FAT2: variants seen among roughly 807,000 people sequenced by gnomAD.
The protein encoded by FAT2 is FAT atypical cadherin 2.
In FAT2, 150 loss-of-function variants were observed where a neutral mutation model predicts 295.3. The observed-to-expected ratio is 0.51, with a 90% CI of 0.44 to 0.58. The LOEUF is 0.58. Ranked by LOEUF, FAT2 falls within the 20% of genes least tolerant of loss-of-function variation. FAT2 has a pLI of 0.00. For missense variants in FAT2, 4,868 were observed against 5,442.7 expected, an observed-to-expected ratio of 0.89 and a Z score of 3.32; for synonymous variants, 2,026 against 2,150.3, an observed-to-expected ratio of 0.94 and a Z score of 1.60.
At position 151,531,564 on chromosome 5, in the gene FAT2, G is replaced by A. The variant is rs1353464535; in HGVS notation, c.9811+23C>T. 2 of 1,611,398 alleles carry A rather than the reference G, an allele frequency of 1.2e-6. No homozygotes were observed. The highest frequency in any genetic ancestry group is 2.2e-5 in the East Asian group (1 of 44,878). Reference sequence around the variant, plus strand: ...AGAAACCCTGTACGCGATGCTTTGGGGCTTGGTGGATCAGGCTCTCACCTG... The same window carrying A: ...AGAAACCCTGTACGCGATGCTTTGGAGCTTGGTGGATCAGGCTCTCACCTG... On this transcript the variant is annotated intron_variant, in intron 14 of 23. Coordinates refer to ENST00000261800, the MANE Select transcript of FAT2 (RefSeq NM_001447.3). This position sits in a 1 kb window ranked among gnomAD's most constrained non-coding sequence, Gnocchi z 5.7.
intron 3 of FAT2, among the ~76,000 whole-genome samples, chr5:151,560,637 A>G (rs1220401258): frequency 6.6e-6 from 1 of 152,170 alleles, no homozygotes; most frequent in Non-Finnish European, 1.5e-5. Flanking sequence ...ATCTACACAT[A>G]GTTTACGATG....
intron 3 of FAT2, among the ~76,000 whole-genome samples, chr5:151,560,513 C>G (rs531394524): frequency 5.9e-5 from 9 of 152,166 alleles, no homozygotes; most frequent in South Asian, 2.1e-4. Flanking sequence ...GGACTGCTGC[C>G]TCTCAAAATC....
chr5:151,559,754 G>A (rs2127638611), intron 3 of FAT2, among the ~76,000 whole-genome samples: 1 of 152,022 alleles, frequency 6.6e-6, no homozygotes. Context: ...CTAAGGTCCT[G>A]TGCCTCTGGA....
At position 151,522,069 on chromosome 5, in the gene FAT2, G is replaced by A. The variant is rs3734049; in HGVS notation, c.10524C>T (p.Ile3508=). The change falls in exon 19 of 24, where the codon ATC becomes ATT. Residue 3508 remains isoleucine (I), a synonymous_variant. Coordinates refer to ENST00000261800, the MANE Select transcript of FAT2 (RefSeq NM_001447.3). ...QLQIQASDSG[I]PPLSSLTSVR... is the part of the protein sequence containing the mutation. The stretch of plus-strand genomic sequence containing the variant: ...CAGACGTCAAAGACGAGAGGGGAGG[G>A]ATGCCACTGTCTGACGCCTGTGGGC... The A allele has an allele frequency of 6.3e-7, 1 of 1,593,608 alleles. No individual in the cohort carries two copies. Among genetic ancestry groups the A allele is most frequent in the Non-Finnish European group, 8.6e-7 (1 of 1,164,362 alleles).
At chr5:151,559,518 T>A (rs1281824762) in intron 3 of FAT2, among the ~76,000 whole-genome samples, 1 of 151,758 alleles carries the variant, frequency 6.6e-6, no homozygotes, top group African/African-American at 2.4e-5. Context: ...ATCCCTTCCT[T>A]TCCTCCCTGC....
In FAT2 at chr5:151,507,316, G is replaced by A; in HGVS notation, c.12355C>T (p.Pro4119Ser). ...SSCNNLNQPE[P>S]SKASVPNELV... The stretch of plus-strand genomic sequence containing the variant: ...TCATTTGGAACAGAGGCCTTGCTGG[G>A]TTCCGGTTGGTTGAGGTTGTTGCAG... The change falls in exon 23 of 24, where the codon CCC becomes TCC. Residue 4119 changes from proline (P) to serine (S), a missense_variant. Pro to Ser is a moderately conservative substitution (Grantham distance 74, BLOSUM62 -1). Coordinates refer to ENST00000261800, the MANE Select transcript of FAT2 (RefSeq NM_001447.3). 6.2e-7 allele frequency: 1 copy of A among 1,614,184 alleles called. No homozygotes were observed. Among genetic ancestry groups the A allele is most frequent in the Non-Finnish European group, 8.5e-7 (1 of 1,180,036 alleles).
chr5:151,509,973 G>A lies in FAT2; in HGVS notation c.12059+48C>T, dbSNP rs550093347. 30 of 1,594,920 alleles carry A rather than the reference G, an allele frequency of 1.9e-5. No individual in the cohort carries two copies. The East Asian group carries it at 4.0e-4, about 21-fold the overall frequency. Reference sequence around the variant, plus strand: ...CTTTCTAGAGGTCAGAGTACAGAGCGCATTCCCTAACAAGGAGCCCATGGC... The same window carrying A: ...CTTTCTAGAGGTCAGAGTACAGAGCACATTCCCTAACAAGGAGCCCATGGC... On this transcript the variant is annotated intron_variant, in intron 22 of 23. Transcript: ENST00000261800.
At position 151,511,937 on chromosome 5, in the gene FAT2, T is replaced by G. The variant is rs1047338066; in HGVS notation, c.11905+228A>C. On this transcript the variant is annotated intron_variant, in intron 21 of 23. Coordinates refer to ENST00000261800, the MANE Select transcript of FAT2 (RefSeq NM_001447.3). ...GCCCCTGAGGTCCCCATTCATATCC[T>G]CCCTCATCCCCCCAGAAGTAGAAAG... 4 of 564,412 alleles carry G rather than the reference T, an allele frequency of 7.1e-6. No individual in the cohort carries two copies. The African/African-American group carries it at 7.5e-5, about 11-fold the overall frequency. The allele number at this position is 564,412 out of a possible 1,614,324, so 35.0% of individuals were successfully genotyped here.
intron 1 of FAT2, among the ~76,000 whole-genome samples, chr5:151,590,110 G>C (rs1327303278): frequency 2.0e-5 from 3 of 152,210 alleles, no homozygotes; most frequent in Non-Finnish European, 4.4e-5. Flanking sequence ...TGCGTGCTCA[G>C]CATAGTCCCC....
In FAT2 at chr5:151,546,177, G is replaced by T. The variant is rs1163073617; in HGVS notation, c.4950C>A (p.Val1650=). Residue 1650 remains valine (V), a synonymous_variant, in exon 10 of 24, where the codon GTC becomes GTA. Transcript: ENST00000261800. ...WHDLATVIIH[V]YPSDRSAPIF... ...TGGGGGCACTCCTATCTGAGGGATAGACATGAATGATCACTGTAGCCAGGT... is the reference window on the plus strand; with the variant it reads ...TGGGGGCACTCCTATCTGAGGGATATACATGAATGATCACTGTAGCCAGGT... 1.4e-5 allele frequency: 22 copies of T among 1,614,158 alleles called. No individual in the cohort carries two copies. The highest frequency in any genetic ancestry group is 1.9e-5 in the Non-Finnish European group (22 of 1,180,024).
chr5:151,588,396 G>T (rs1335357880), intron 1 of FAT2, among the ~76,000 whole-genome samples: 1 of 152,188 alleles, frequency 6.6e-6, no homozygotes, highest in Admixed American at 6.5e-5. Context: ...CCCCACTGCT[G>T]TGTGACCTTA....
intron 12 of FAT2, among the ~76,000 whole-genome samples, chr5:151,537,438 G>A (rs544276954): frequency 3.4e-5 from 3 of 88,064 alleles, no homozygotes; most frequent in African/African-American, 2.1e-4. Flanking sequence ...GAGAGGAAAG[G>A]AGAGGGGAGG....
At chr5:151,559,647 CTGTG>C in intron 3 of FAT2, among the ~76,000 whole-genome samples, 1 of 151,816 alleles carries the variant, frequency 6.6e-6, no homozygotes, top group East Asian at 1.9e-4. Context: ...GCCTCTCTCT[CTGTG>C]TGTGTGTGTC....
intron 1 of FAT2, among the ~76,000 whole-genome samples, chr5:151,578,020 CAAA>C (rs546727587): frequency 8.2e-5 from 8 of 97,898 alleles, no homozygotes; most frequent in Non-Finnish European, 4.4e-5. Flanking sequence ...AAGGGAAAGG[CAAA>C]AAAAAAAAAA....
At position 151,550,571 on chromosome 5, in the gene FAT2, G is replaced by T. The variant is rs1757102696; in HGVS notation, c.4578+19C>A. ...TCTACATGCAAACGTATTCTCACCAGATTTTTCCATTTACTCACCATGACT... is the reference window on the plus strand; with the variant it reads ...TCTACATGCAAACGTATTCTCACCATATTTTTCCATTTACTCACCATGACT... On this transcript the variant is annotated intron_variant, in intron 8 of 23. Transcript: ENST00000261800. 1 of 1,613,274 alleles carries T rather than the reference G, an allele frequency of 6.2e-7. No individual in the cohort carries two copies. The highest frequency in any genetic ancestry group is 1.3e-5 in the African/African-American group (1 of 74,902).
chr5:151,546,259 T>C lies in FAT2; in HGVS notation c.4868A>G (p.His1623Arg), dbSNP rs188845404. 476 of 1,614,162 alleles carry C rather than the reference T, an allele frequency of 2.9e-4. No homozygotes were observed. The highest frequency in any genetic ancestry group is 2.5e-3 in the Admixed American group (149 of 60,026). ...TLAQKLDQAN[H>R]APHTLTVKAE... ...CTTCACTGTCAGAGTATGTGGGGCA[T>C]GATTTGCCTGATCAAGCTTTTGAGC... Residue 1623 changes from histidine to arginine, a missense_variant, in exon 10 of 24, where the codon CAT becomes CGT. Coordinates refer to ENST00000261800, the MANE Select transcript of FAT2 (RefSeq NM_001447.3).
Position 151,510,103 on chromosome 5 carries a change from C to CAA in FAT2, c.11975_11976dup (p.Ala3993LeufsTer43). The CAA allele has an allele frequency of 6.2e-7, 1 of 1,614,156 alleles. No homozygotes were observed. The highest frequency in any genetic ancestry group is 8.5e-7 in the Non-Finnish European group (1 of 1,180,018). ...CAAGTTCCACCTTCCAGGCAGGGTGCAAAAGTACAGTTCTCCCTTCCTTGT... is the reference window on the plus strand; with the variant it reads ...CAAGTTCCACCTTCCAGGCAGGGTGCAAAAAAGTACAGTTCTCCCTTCCTTGT... On this transcript the variant is annotated frameshift_variant, in exon 22 of 24. Coordinates refer to ENST00000261800, the MANE Select transcript of FAT2 (RefSeq NM_001447.3). LOFTEE classifies it high-confidence loss of function.
In FAT2 at chr5:151,504,563, C is replaced by T. The variant is rs573389143; in HGVS notation, c.*1002G>A. ...GGCAATGGCAGGTGTCCAGCCTGGACACTGCGGTCCAGCTCCCTGCTTCCA... is the reference window on the plus strand; with the variant it reads ...GGCAATGGCAGGTGTCCAGCCTGGATACTGCGGTCCAGCTCCCTGCTTCCA... On this transcript the variant is annotated 3_prime_UTR_variant, in exon 24 of 24. Coordinates refer to ENST00000261800, the MANE Select transcript of FAT2 (RefSeq NM_001447.3). The T allele has an allele frequency of 6.5e-6, 1 of 152,816 alleles. No homozygotes were observed. Among genetic ancestry groups the T allele is most frequent in the Admixed American group, 6.5e-5 (1 of 15,312 alleles). 9.5% of individuals were successfully genotyped at this position (152,816 alleles called of 1,614,324 possible). A position where few individuals can be genotyped will look rare whatever the true frequency, so the allele number is the denominator to read the frequency against.
chr5:151,558,056 G>A (rs1315168231), intron 3 of FAT2, among the ~76,000 whole-genome samples: 2 of 152,088 alleles, frequency 1.3e-5, no homozygotes, highest in Admixed American at 6.5e-5. Context: ...AGTTGAATTC[G>A]GTGACCTTTA....
Sources: gnomAD v4.1 joint callset for allele counts (sites outside exome capture counted in the v4.1 genomes callset) on GRCh38, gnomAD v4.1.1 for gene constraint, Gnocchi (gnomAD v3.1) non-coding constraint, MANE v1.5 for transcripts, NCBI Gene and HGNC (gene_info 2026-07-23, HGNC 2026-07-21) for gene names.